Variants in MAGI2 observed in about 807,000 individuals in gnomAD.
MAGI2 encodes the protein membrane-associated guanylate kinase, WW and PDZ domain-containing protein 2.
MAGI2 carries 35 observed loss-of-function variants against 133.3 expected under a neutral mutation model. The observed-to-expected ratio is 0.26, with a 90% CI of 0.20 to 0.35. MAGI2 has a LOEUF of 0.35. MAGI2 is among the 10% of genes least tolerant of loss of function. The pLI is 1.00. For missense variants in MAGI2, 1,636 were observed against 1,863.4 expected (o/e 0.88, Z 2.25); for synonymous variants, 729 against 710.6 (o/e 1.03, Z -0.41).
At chr7:78,099,692 G>T (rs1422165413) in intron 20 of MAGI2, among the ~76,000 whole-genome samples, 1 of 152,106 alleles carries the variant, frequency 6.6e-6, no homozygotes, top group African/African-American at 2.4e-5. Context: ...AGCATAGAAA[G>T]CTATGATATA....
chr7:78,875,872 A>G (rs1381258531), intron 2 of MAGI2, among the ~76,000 whole-genome samples: 1 of 152,228 alleles, frequency 6.6e-6, no homozygotes, highest in Non-Finnish European at 1.5e-5. Flanking sequence ...CAGAAATACA[A>G]CTAAAAAGAA....
chr7:78,452,295 G>T (rs1788806904), intron 6 of MAGI2, among the ~76,000 whole-genome samples: 1 of 151,976 alleles, frequency 6.6e-6, no homozygotes, highest in Non-Finnish European at 1.5e-5. Context: ...ATACTTCCAA[G>T]CAGGAAATGG....
intron 10 of MAGI2, among the ~76,000 whole-genome samples, chr7:78,217,463 A>T (rs1227969123): frequency 2.0e-5 from 3 of 152,154 alleles, no homozygotes; most frequent in African/African-American, 7.2e-5. Context: ...CTCAATTTTT[A>T]TTTCTCTGTG....
intron 6 of MAGI2, among the ~76,000 whole-genome samples, chr7:78,404,394 C>T (rs989177511): frequency 3.3e-5 from 5 of 152,132 alleles, no homozygotes; most frequent in African/African-American, 1.2e-4. Context: ...AAGCTGGAGG[C>T]ATCATGCTAC....
chr7:78,334,793 A>T (rs1040681450), intron 9 of MAGI2, among the ~76,000 whole-genome samples: 3 of 152,232 alleles, frequency 2.0e-5, no homozygotes, highest in Non-Finnish European at 4.4e-5. Flanking sequence ...CTCTTTAACA[A>T]GGACTTTAAA....
intron 1 of MAGI2, among the ~76,000 whole-genome samples, chr7:79,421,569 T>G (rs1457638011): frequency 1.3e-5 from 2 of 151,980 alleles, no homozygotes; most frequent in African/African-American, 4.8e-5. Context: ...GCATTTATTT[T>G]ATTATCAGCA....
At position 78,017,724 on chromosome 7, in the gene MAGI2, A is replaced by T. The variant is rs1187730720; in HGVS notation, c.*1591T>A. Reference sequence around the variant, plus strand: ...AACAACTAAACTACTCCGATGTTTGATGAAAATTAAACTGCTACTCAGGAT... The same window carrying T: ...AACAACTAAACTACTCCGATGTTTGTTGAAAATTAAACTGCTACTCAGGAT... On this transcript the variant is annotated 3_prime_UTR_variant, in exon 22 of 22. Transcript: ENST00000354212. 1 of 152,618 alleles carries T rather than the reference A, an allele frequency of 6.6e-6. No individual in the cohort carries two copies. Among genetic ancestry groups the T allele is most frequent in the Non-Finnish European group, 1.5e-5 (1 of 68,048 alleles). The allele number at this position is 152,618 out of a possible 1,614,324, so 9.5% of individuals were successfully genotyped here. A position where few individuals can be genotyped will look rare whatever the true frequency, so the allele number is the denominator to read the frequency against.
intron 1 of MAGI2, among the ~76,000 whole-genome samples, chr7:79,387,029 G>A (rs949786875): frequency 6.6e-6 from 1 of 151,494 alleles, no homozygotes; most frequent in African/African-American, 2.4e-5. Context: ...TATAAATAGT[G>A]AAAAGTTCAT....
intron 6 of MAGI2, among the ~76,000 whole-genome samples, chr7:78,459,737 C>T (rs770485947): frequency 1.3e-5 from 2 of 152,144 alleles, no homozygotes; most frequent in Non-Finnish European, 2.9e-5. Context: ...AATATTTCAA[C>T]GAATAAGCAA....
At chr7:79,252,816 G>A (rs573414716) in intron 1 of MAGI2, among the ~76,000 whole-genome samples, 8 of 152,056 alleles carry the variant, frequency 5.3e-5, no homozygotes, top group East Asian at 1.9e-4. Flanking sequence ...ACTTTTAAGA[G>A]GACTAAAAAT....
At chr7:78,527,957 A>G (rs1001990113) in intron 3 of MAGI2, among the ~76,000 whole-genome samples, 1 of 151,596 alleles carries the variant, frequency 6.6e-6, no homozygotes, top group Non-Finnish European at 1.5e-5. Context: ...GATTAAGGTC[A>G]TGACTTCTAT....
intron 1 of MAGI2, among the ~76,000 whole-genome samples, chr7:79,425,014 G>T (rs1847240350): frequency 6.6e-6 from 1 of 151,930 alleles, no homozygotes; most frequent in African/African-American, 2.4e-5. Context: ...GGCCTTTTCT[G>T]GGAGCTTTCA....
At chr7:78,486,056 T>A (rs1792968051) in intron 6 of MAGI2, 1 of 152,112 alleles carries the variant, frequency 6.6e-6, no homozygotes, top group Non-Finnish European at 1.5e-5. Context: ...CTGCTCTTGT[T>A]GTGTCTGGGC....
intron 1 of MAGI2, among the ~76,000 whole-genome samples, chr7:79,127,501 G>A (rs1196343828): frequency 1.3e-5 from 2 of 152,132 alleles, no homozygotes; most frequent in Non-Finnish European, 2.9e-5. Flanking sequence ...TCTAATTGGT[G>A]TGAGATGGTA....
chr7:78,224,634 C>A (rs1243934043), intron 10 of MAGI2, among the ~76,000 whole-genome samples: 1 of 151,886 alleles, frequency 6.6e-6, no homozygotes, highest in Non-Finnish European at 1.5e-5. Context: ...CCACCACATT[C>A]CAGCCTGGGC....
intron 2 of MAGI2, among the ~76,000 whole-genome samples, chr7:78,663,184 A>G (rs548395586): frequency 7.0e-6 from 1 of 142,586 alleles, no homozygotes; most frequent in South Asian, 2.2e-4. Flanking sequence ...TAAAGCCAAG[A>G]TTTTATTTGT....
intron 1 of MAGI2, among the ~76,000 whole-genome samples, chr7:79,310,553 A>C (rs2129560600): frequency 6.6e-6 from 1 of 152,288 alleles, no homozygotes; most frequent in South Asian, 2.1e-4. Context: ...GAAGGGTAAT[A>C]AACTAAATTA....
chr7:78,789,334 C>A (rs1228306772), intron 2 of MAGI2, among the ~76,000 whole-genome samples: 1 of 152,104 alleles, frequency 6.6e-6, no homozygotes, highest in African/African-American at 2.4e-5. Context: ...TGGTTAATAG[C>A]AGAATCCATT....
At chr7:78,819,366 T>G (rs1009070026) in intron 2 of MAGI2, among the ~76,000 whole-genome samples, 2 of 152,092 alleles carry the variant, frequency 1.3e-5, no homozygotes, top group African/African-American at 4.8e-5. Flanking sequence ...AAGTTTAAAG[T>G]CAAATTTACA....
Sources: gnomAD v4.1 joint callset for allele counts (sites outside exome capture counted in the v4.1 genomes callset) on GRCh38, gnomAD v4.1.1 for gene constraint, MANE v1.5 for transcripts, NCBI Gene and HGNC (gene_info 2026-07-23, HGNC 2026-07-21) for gene names.